The following MYLK2 variants were observed in gnomAD, a reference collection of about 807,000 sequenced individuals.
The protein encoded by MYLK2 is myosin light chain kinase 2, also known as myosin light chain kinase 2, skeletal/cardiac muscle.
A neutral mutation model predicts 58.2 loss-of-function variants in MYLK2; 27 were observed. The ratio of observed to expected loss-of-function variants is 0.46; its 90% CI spans 0.34 to 0.64. MYLK2 has a LOEUF of 0.64. MYLK2 is among the 30% of genes least tolerant of loss of function. The pLI is 0.01. For missense variants in MYLK2, 676 were observed against 764.3 expected (o/e 0.88, Z 1.36); for synonymous variants, 310 against 296.7 (o/e 1.04, Z -0.46).
intron 4 of MYLK2, 54 bp downstream of exon 4, chr20:31,821,791 G>C (rs1221265645): frequency 1.4e-5 from 22 of 1,521,052 alleles, no homozygotes; most frequent in Non-Finnish European, 1.9e-5. Flanking sequence ...GGGGAGGGAA[G>C]GGGGCTGTCA....
At chr20:31,823,605 G>A in intron 5 of MYLK2, 23 bp downstream of exon 5, 1 of 1,607,998 alleles carries the variant, frequency 6.2e-7, no homozygotes, top group Non-Finnish European at 8.5e-7. Flanking sequence ...ACCCCAGCTG[G>A]GCACTCATGG....
chr20:31,833,999 G>C lies in MYLK2; in HGVS notation c.*202G>C, dbSNP rs1337284817. 2 of 593,766 alleles carry C rather than the reference G, an allele frequency of 3.4e-6. No homozygotes were observed. Among genetic ancestry groups the C allele is most frequent in the East Asian group, 2.8e-5 (1 of 35,312 alleles). 36.8% of individuals were successfully genotyped at this position (593,766 alleles called of 1,614,324 possible). A position where few individuals can be genotyped will look rare whatever the true frequency, so the allele number is the denominator to read the frequency against. On this transcript the variant is annotated 3_prime_UTR_variant, in exon 13 of 13. Transcript: ENST00000375985. ...TGTGAGCCGCCTCGGAGTGTGGCCT[G>C]GATCCATCCTGCTAGCACCTCCCCA...
chr20:31,833,523 G>A (rs2062317054), intron 12 of MYLK2, among the ~76,000 whole-genome samples, 194 bp from the exon 13 acceptor site: 1 of 152,112 alleles, frequency 6.6e-6, no homozygotes, highest in South Asian at 2.1e-4. Flanking sequence ...TTCAGGTCTG[G>A]CTGACCTATC....
rs1363867247 is a variant in MYLK2 at position 31,831,088 on chromosome 20, C to T, written c.1371C>T (p.Asp457=). 3 of 1,614,122 alleles carry T rather than the reference C, an allele frequency of 1.9e-6. No homozygotes were observed. The change falls in exon 10 of 13, where the codon GAC becomes GAT. Residue 457 remains aspartate, a synonymous_variant. Coordinates refer to ENST00000375985, the MANE Select transcript of MYLK2 (RefSeq NM_033118.4). ...EFLSPEVVNY[D]QISDKTDMWS... Reference sequence around the variant, plus strand: ...TGTCACCTGAGGTGGTGAATTATGACCAAATCTCCGATAAGACAGACATGT... The same window carrying T: ...TGTCACCTGAGGTGGTGAATTATGATCAAATCTCCGATAAGACAGACATGT...
chr20:31,826,587 G>T lies in MYLK2; in HGVS notation c.973-18G>T. The stretch of plus-strand genomic sequence containing the variant: ...GTGATGGTGCCCAGCTGGTACCCTT[G>T]ACTTCCCTGGTCCCCAGGAAATGGT... On this transcript the variant is annotated intron_variant, in intron 6 of 12. Transcript: ENST00000375985. 6.2e-7 allele frequency: 1 copy of T among 1,613,964 alleles called. No individual in the cohort carries two copies. Among genetic ancestry groups the T allele is most frequent in the South Asian group, 1.1e-5 (1 of 91,042 alleles).
intron 2 of MYLK2, 142 bp downstream of exon 2, chr20:31,819,774 T>C: frequency 9.0e-7 from 1 of 1,108,012 alleles, no homozygotes; most frequent in Non-Finnish European, 1.3e-6. Context: ...CAGAGGAATC[T>C]CTGGCTAGGG....
chr20:31,830,645 C>T (rs868830927), intron 8 of MYLK2, among the ~76,000 whole-genome samples, 174 bp from the exon 9 acceptor site: 1 of 152,226 alleles, frequency 6.6e-6, no homozygotes, highest in Non-Finnish European at 1.5e-5. Flanking sequence ...TCGTGGGGGA[C>T]TTGCCTCAAG....
chr20:31,826,536 C>T (rs957677426), intron 6 of MYLK2, 69 bp from the exon 7 acceptor site: 33 of 1,599,496 alleles, frequency 2.1e-5, no homozygotes, highest in Non-Finnish European at 1.8e-5. Context: ...TTCAAGGGTG[C>T]GGGTATGGAG....
In MYLK2 at chr20:31,826,732, T is replaced by A; in HGVS notation, c.1082+18T>A. The stretch of plus-strand genomic sequence containing the variant: ...ATGGAGTAGTGAGTGCCCGAAGTAG[T>A]GGTAGGGGCTGGGTGGGGGTACCAC... On this transcript the variant is annotated intron_variant, in intron 7 of 12. Coordinates refer to ENST00000375985, the MANE Select transcript of MYLK2 (RefSeq NM_033118.4). The A allele has an allele frequency of 6.2e-7, 1 of 1,613,038 alleles. No individual in the cohort carries two copies.
Position 31,833,943 on chromosome 20 carries a change from C to G in MYLK2, c.*146C>G, listed in dbSNP as rs2062321046. The G allele has an allele frequency of 2.8e-6, 2 of 721,336 alleles. No homozygotes were observed. The highest frequency in any genetic ancestry group is 4.7e-6 in the Non-Finnish European group (2 of 426,236). 44.7% of individuals were successfully genotyped at this position (721,336 alleles called of 1,614,324 possible). A position where few individuals can be genotyped will look rare whatever the true frequency, so the allele number is the denominator to read the frequency against. On this transcript the variant is annotated 3_prime_UTR_variant, in exon 13 of 13. Coordinates refer to ENST00000375985, the MANE Select transcript of MYLK2 (RefSeq NM_033118.4). The stretch of plus-strand genomic sequence containing the variant: ...GCCAGGCTGGGAGGCTCGGGGCTCC[C>G]CACGCCCCCATGCAGTGACCGCTTC...
rs772195303 is a variant in MYLK2 at position 31,820,187 on chromosome 20, C to T, written c.114C>T (p.Pro38=). ...TGGCTGCAGGGAAAGACCCTGGCCC[C>T]CCAGACCCAAAGAAAGCTCCGGATC... ...RPLAAGKDPG[P]PDPKKAPDPP... Residue 38 remains proline, a synonymous_variant, in exon 3 of 13, where the codon CCC becomes CCT. Coordinates refer to ENST00000375985, the MANE Select transcript of MYLK2 (RefSeq NM_033118.4). 4.3e-6 allele frequency: 7 copies of T among 1,614,018 alleles called. No homozygotes were observed. In the Admixed American group the frequency reaches 8.3e-5, roughly 19 times the overall value.
intron 8 of MYLK2, among the ~76,000 whole-genome samples, chr20:31,830,107 G>A (rs1441350388): frequency 6.6e-6 from 1 of 152,190 alleles, no homozygotes; most frequent in African/African-American, 2.4e-5. Flanking sequence ...CTTACTTGCT[G>A]GGCAACTGTG....
At position 31,826,672 on chromosome 20, in the gene MYLK2, C is replaced by T; in HGVS notation, c.1040C>T (p.Ala347Val). The T allele has an allele frequency of 6.2e-7, 1 of 1,614,074 alleles. No individual in the cohort carries two copies. Among genetic ancestry groups the T allele is most frequent in the Non-Finnish European group, 8.5e-7 (1 of 1,180,020 alleles). ...LNHRNLIQLY[A>V]AIETPHEIVL... ...CACCGCAATCTGATCCAGCTGTATG[C>T]AGCCATCGAGACTCCGCATGAGATC... is the stretch of plus-strand genomic sequence containing the variant. Residue 347 changes from alanine (A) to valine (V), a missense_variant, in exon 7 of 13, where the codon GCA becomes GTA. Ala to Val is a moderately conservative substitution (Grantham distance 64). This residue lies in a region of MYLK2 where 370 missense variants were observed against 467.8 expected (regional missense o/e 0.79). Transcript: ENST00000375985.
At position 31,822,963 on chromosome 20, in the gene MYLK2, T is replaced by G. The variant is rs2062258607; in HGVS notation, c.773-514T>G. Among the ~76,000 whole-genome samples the G allele has an allele frequency of 3.3e-5, 5 of 152,064 alleles. No individual in the cohort carries two copies. In the South Asian group the frequency reaches 1.0e-3, roughly 32 times the overall value. On this transcript the variant is annotated intron_variant, in intron 4 of 12. Coordinates refer to ENST00000375985, the MANE Select transcript of MYLK2 (RefSeq NM_033118.4). ...GCCTGCCAGCCTTCAGGGCGAGCGG[T>G]TCCCCACACTTGCCGCTAGGTGGCG...
chr20:31,820,615 C>A (rs2123126773), intron 3 of MYLK2, 69 bp downstream of exon 3: 1 of 1,556,318 alleles, frequency 6.4e-7, no homozygotes, highest in East Asian at 2.3e-5. Flanking sequence ...GCTTAATTCC[C>A]TTGTCTTAGG....
chr20:31,832,190 G>A (rs1200185324), intron 12 of MYLK2, 54 bp downstream of exon 12: 2 of 1,582,324 alleles, frequency 1.3e-6, no homozygotes, highest in Non-Finnish European at 1.7e-6. Flanking sequence ...AAGAGCTCCT[G>A]GTGCCAGATC....
chr20:31,830,469 C>G (rs2062300384), intron 8 of MYLK2, among the ~76,000 whole-genome samples: 1 of 152,166 alleles, frequency 6.6e-6, no homozygotes, highest in African/African-American at 2.4e-5. Context: ...GGCCCCCCAG[C>G]CTGGGGGCGG....
chr20:31,830,927 C>A, intron 9 of MYLK2, 38 bp downstream of exon 9: 1 of 1,569,476 alleles, frequency 6.4e-7, no homozygotes. Context: ...AGACAAGCCT[C>A]TGAGTTGGCA....
chr20:31,831,600 C>T, intron 10 of MYLK2, 103 bp from the exon 11 acceptor site: 2 of 1,370,276 alleles, frequency 1.5e-6, no homozygotes, highest in Non-Finnish European at 1.0e-6. Flanking sequence ...CTTTTCAGCA[C>T]ACGGTGCTGC....
Sources: allele counts gnomAD v4.1 joint callset (sites outside exome capture counted in the v4.1 genomes callset), GRCh38; gene constraint gnomAD v4.1.1; regional missense constraint gnomAD v4.1.1; transcripts MANE v1.5; gene names NCBI Gene and HGNC (gene_info 2026-07-23, HGNC 2026-07-21).